The following SESN1 variants were observed in gnomAD, a reference collection of about 807,000 sequenced individuals.
SESN1 encodes sestrin 1, also known as sestrin-1.
Under a neutral mutation model 59.3 loss-of-function variants are expected in SESN1, and 30 were observed. The ratio of observed to expected loss-of-function variants is 0.51; its 90% CI spans 0.38 to 0.69. The LOEUF is 0.69. Ranked by LOEUF, SESN1 falls within the 30% of genes least tolerant of loss-of-function variation. The pLI, the probability that SESN1 is intolerant of heterozygous loss-of-function variation, is 0.00. For missense variants in SESN1, 566 were observed against 673.0 expected, an observed-to-expected ratio of 0.84 and a Z score of 1.76; for synonymous variants, 197 against 219.9, an observed-to-expected ratio of 0.90 and a Z score of 0.92.
chr6:109,055,914 T>C (rs1780625732), intron 1 of SESN1, among the ~76,000 whole-genome samples: 1 of 152,198 alleles, frequency 6.6e-6, no homozygotes, highest in African/African-American at 2.4e-5. Flanking sequence ...TGGCATTGGG[T>C]ATAGTTTTAG....
intron 1 of SESN1, among the ~76,000 whole-genome samples, chr6:109,011,599 A>G (rs1021303682): frequency 2.6e-5 from 4 of 151,482 alleles, no homozygotes; most frequent in African/African-American, 9.7e-5. Context: ...AGTAACCAAG[A>G]GTTCCAACAA....
At chr6:109,045,023 CA>C (rs915797821) in intron 1 of SESN1, among the ~76,000 whole-genome samples, 177 of 140,500 alleles carry the variant, frequency 1.3e-3, no homozygotes, top group Admixed American at 1.3e-3. Context: ...GACTCCATTT[CA>C]AAAAAAAAAA....
chr6:109,000,782 A>T, intron 3 of SESN1, 109 bp from the exon 4 acceptor site: 1 of 928,106 alleles, frequency 1.1e-6, no homozygotes, highest in Non-Finnish European at 1.4e-6. Flanking sequence ...TATGTTTTCA[A>T]ATTTTCCGTA....
At chr6:108,991,066 CAAA>C (rs75020781) in intron 7 of SESN1, among the ~76,000 whole-genome samples, 7 of 141,460 alleles carry the variant, frequency 4.9e-5, no homozygotes, top group Non-Finnish European at 7.7e-5. Flanking sequence ...AGTCTCATCT[CAAA>C]AAAAAACAAC....
chr6:109,025,624 A>G (rs1366806826), intron 1 of SESN1, among the ~76,000 whole-genome samples: 1 of 151,526 alleles, frequency 6.6e-6, no homozygotes, highest in Non-Finnish European at 1.5e-5. Flanking sequence ...GGTGAGAAAC[A>G]GGAAACTATC....
intron 1 of SESN1, among the ~76,000 whole-genome samples, chr6:109,031,326 T>G (rs1470041187): frequency 2.0e-5 from 3 of 152,130 alleles, no homozygotes; most frequent in Non-Finnish European, 4.4e-5. Context: ...GTGAAAGCAG[T>G]GACTGTGCAT....
intron 1 of SESN1, among the ~76,000 whole-genome samples, chr6:109,074,687 TCTCA>T (rs1376497826): frequency 2.0e-5 from 3 of 152,234 alleles, no homozygotes; most frequent in Admixed American, 6.5e-5. Context: ...TAATATTTAA[TCTCA>T]CTCCTTATTC....
intron 1 of SESN1, among the ~76,000 whole-genome samples, chr6:109,051,205 A>G (rs968446432): frequency 6.6e-6 from 1 of 152,234 alleles, no homozygotes; most frequent in African/African-American, 2.4e-5. Context: ...TGATGGTTTA[A>G]AACTTCTTTT....
chr6:109,028,433 C>T (rs558852857), intron 1 of SESN1, among the ~76,000 whole-genome samples: 2 of 151,908 alleles, frequency 1.3e-5, no homozygotes, highest in African/African-American at 4.8e-5. Context: ...TCACAGGGAC[C>T]AAATTTGACC....
At chr6:109,076,247 A>T (rs1379960967) in intron 1 of SESN1, among the ~76,000 whole-genome samples, 1 of 152,218 alleles carries the variant, frequency 6.6e-6, no homozygotes, top group Non-Finnish European at 1.5e-5. Flanking sequence ...GTATTTTAAC[A>T]AGTACTGCTG....
intron 1 of SESN1, among the ~76,000 whole-genome samples, chr6:109,032,412 T>C (rs1780195321): frequency 6.6e-6 from 1 of 152,058 alleles, no homozygotes; most frequent in Non-Finnish European, 1.5e-5. Context: ...AGGTCAGGAA[T>C]TCAAGACCAG....
intron 1 of SESN1, among the ~76,000 whole-genome samples, chr6:109,071,766 G>C (rs1780939608): frequency 6.6e-6 from 1 of 152,158 alleles, no homozygotes; most frequent in Non-Finnish European, 1.5e-5. Flanking sequence ...AGACTCAGAG[G>C]CACGAGCTAA....
chr6:109,007,538 T>C (rs753881129), intron 1 of SESN1, among the ~76,000 whole-genome samples: 5 of 152,196 alleles, frequency 3.3e-5, no homozygotes, highest in Non-Finnish European at 7.3e-5. Context: ...AGCATGTGTT[T>C]TTTGAAAAAC....
chr6:109,059,568 T>C (rs1210978845), intron 1 of SESN1: 1 of 152,162 alleles, frequency 6.6e-6, no homozygotes, highest in Non-Finnish European at 1.5e-5. Context: ...ATGCTAATTT[T>C]CTCTGTATCA....
intron 1 of SESN1, among the ~76,000 whole-genome samples, chr6:109,039,816 T>C (rs182224953): frequency 2.6e-5 from 4 of 152,318 alleles, no homozygotes; most frequent in Admixed American, 1.3e-4. Context: ...TTAACTAGAG[T>C]CTTGTTCATA....
chr6:109,068,811 C>A (rs1266308380), intron 1 of SESN1, among the ~76,000 whole-genome samples: 2 of 151,414 alleles, frequency 1.3e-5, no homozygotes, highest in Non-Finnish European at 2.9e-5. Context: ...ACCTCCGTCT[C>A]CTGGGTTCAA....
Position 108,985,596 on chromosome 6 carries a change from T to C in SESN1, c.*1948A>G, listed in dbSNP as rs1193879510. On this transcript the variant is annotated 3_prime_UTR_variant, in exon 10 of 10. Transcript: ENST00000436639. The stretch of plus-strand genomic sequence containing the variant: ...ACATATTTTTTAACTCATTAAAATT[T>C]TGATTTCAATTTCTAAGTGATTATA... Among the ~76,000 whole-genome samples the C allele has an allele frequency of 6.6e-6, 1 of 152,214 alleles. No homozygotes were observed. Among genetic ancestry groups the C allele is most frequent in the Non-Finnish European group, 1.5e-5 (1 of 68,034 alleles).
rs148800871 is a variant in SESN1, at chr6:109,010,482, G to A, written c.280-8139C>T. 5.3e-3 allele frequency among the ~76,000 whole-genome samples: 800 copies of A among 152,238 alleles called. 8 individuals carry two copies. The highest frequency in any genetic ancestry group is 0.017 in the African/African-American group (714 of 41,536). ...GGAACATTCTGACAAGGAAACAAGT[G>A]GAATTTATAGCAGTAGTTATGGCCA... On this transcript the variant is annotated intron_variant, in intron 1 of 9. Coordinates refer to ENST00000436639, the MANE Select transcript of SESN1 (RefSeq NM_014454.3).
At chr6:109,066,737 A>G (rs1780832778) in intron 1 of SESN1, among the ~76,000 whole-genome samples, 1 of 152,226 alleles carries the variant, frequency 6.6e-6, no homozygotes, top group Admixed American at 6.5e-5. Context: ...ATTATTTTTA[A>G]AAGAGAAGAA....
Sources: allele counts gnomAD v4.1 joint callset (sites outside exome capture counted in the v4.1 genomes callset), GRCh38; gene constraint gnomAD v4.1.1; transcripts MANE v1.5; gene names NCBI Gene and HGNC (gene_info 2026-07-23, HGNC 2026-07-21).